Variants in TBCE observed in about 807,000 individuals in gnomAD.
The protein encoded by TBCE is tubulin-specific chaperone E.
Under a neutral mutation model 77.0 loss-of-function variants are expected in TBCE, and 53 were observed. That is an observed-to-expected ratio of 0.69 (90% confidence interval 0.55 to 0.87). The LOEUF is 0.87. Ranked by LOEUF, TBCE falls within the 40% of genes least tolerant of loss-of-function variation. The pLI, the probability that TBCE is intolerant of heterozygous loss-of-function variation, is 0.00. For synonymous variants in TBCE, 235 were observed against 241.3 expected, an observed-to-expected ratio of 0.97 and a Z score of 0.24; for missense variants, 624 against 622.4, an observed-to-expected ratio of 1.00 and a Z score of -0.03.
intron 2 of TBCE, among the ~76,000 whole-genome samples, chr1:235,392,505 G>A (rs555333962): frequency 6.7e-6 from 1 of 150,298 alleles, no homozygotes; most frequent in Non-Finnish European, 1.5e-5. Context: ...CCGCCTCCTG[G>A]ATTCAAGCAA....
At chr1:235,369,532 C>T (rs1676772489) in intron 1 of TBCE, among the ~76,000 whole-genome samples, 1 of 150,386 alleles carries the variant, frequency 6.6e-6, no homozygotes, top group Non-Finnish European at 1.5e-5. Flanking sequence ...ACAAAAAAAA[C>T]AAAAACTGGC....
In TBCE at chr1:235,427,175, T is replaced by C. The variant is rs747704557; in HGVS notation, c.496T>C (p.Ser166Pro). 1 of 1,614,092 alleles carries C rather than the reference T, an allele frequency of 6.2e-7. No homozygotes were observed. Among genetic ancestry groups the C allele is most frequent in the Admixed American group, 1.7e-5 (1 of 60,016 alleles). Residue 166 changes from serine to proline, a missense_variant, in exon 6 of 17, where the codon TCA becomes CCA. Physicochemically the swap from Ser to Pro is moderately conservative, Grantham distance 74 (BLOSUM62 -1). Coordinates refer to ENST00000642610, the MANE Select transcript of TBCE (RefSeq NM_003193.5). ...GGTAGATTTGTCAAAAAACCTGTTG[T>C]CATCATGGGATGAAGTGATACACAT... ...RKVDLSKNLL[S>P]SWDEVIHIAD...
chr1:235,389,452 C>T (rs186351422), intron 2 of TBCE, among the ~76,000 whole-genome samples: 57 of 152,194 alleles, frequency 3.7e-4, no homozygotes, highest in African/African-American at 8.7e-4. Flanking sequence ...CTCAGCCTCC[C>T]GAGTAGCTGG....
chr1:235,417,027 T>TA (rs1334257541), intron 4 of TBCE, among the ~76,000 whole-genome samples: 3 of 152,230 alleles, frequency 2.0e-5, no homozygotes, highest in Admixed American at 1.3e-4. Flanking sequence ...AGCTGTCAGT[T>TA]AGGAGTTGAA....
rs975265552 is a variant in TBCE, at chr1:235,427,848, T to A, written c.560+609T>A. Among the ~76,000 whole-genome samples, 55 of 151,008 alleles carry A rather than the reference T, an allele frequency of 3.6e-4. 1 individual carries two copies. Among genetic ancestry groups the A allele is most frequent in the Non-Finnish European group, 1.5e-4 (10 of 67,908 alleles). On this transcript the variant is annotated intron_variant, in intron 6 of 16. Transcript: ENST00000642610. ...GAGTTTGAGACCAGCCTGACCAACA[T>A]GGAGAAACCCCGTCTCTACTAAAAA...
chr1:235,421,687 A>G (rs1033571102), intron 5 of TBCE, among the ~76,000 whole-genome samples: 1 of 152,070 alleles, frequency 6.6e-6, no homozygotes, highest in Non-Finnish European at 1.5e-5. Context: ...CAGCCTGGGT[A>G]ACAGAGTGAG....
At chr1:235,435,442 A>T (rs539931506) in intron 8 of TBCE, among the ~76,000 whole-genome samples, 13 of 136,524 alleles carry the variant, frequency 9.5e-5, no homozygotes, top group Admixed American at 6.3e-4. Flanking sequence ...TGAGATAATC[A>T]TATATTCACA....
intron 1 of TBCE, among the ~76,000 whole-genome samples, chr1:235,372,051 G>A (rs1192732047): frequency 6.6e-6 from 1 of 151,926 alleles, no homozygotes; most frequent in Non-Finnish European, 1.5e-5. Context: ...GTGTGATCAG[G>A]GCTCACTGCA....
chr1:235,447,489 G>GCAGT (rs1455046999), intron 15 of TBCE, among the ~76,000 whole-genome samples: 1 of 152,104 alleles, frequency 6.6e-6, no homozygotes, highest in African/African-American at 2.4e-5. Flanking sequence ...CCCATGCCTG[G>GCAGT]CAGTCACTTG....
intron 2 of TBCE, among the ~76,000 whole-genome samples, chr1:235,383,326 A>C (rs1677796018): frequency 6.6e-6 from 1 of 152,110 alleles, no homozygotes; most frequent in East Asian, 1.9e-4. Context: ...TATGAACTTT[A>C]AAGTAGTTTT....
At chr1:235,439,198 A>G (rs1681660175) in intron 13 of TBCE, among the ~76,000 whole-genome samples, 1 of 151,970 alleles carries the variant, frequency 6.6e-6, no homozygotes, top group Non-Finnish European at 1.5e-5. Context: ...TTTATTTTTA[A>G]GAGATGGAGT....
intron 7 of TBCE, among the ~76,000 whole-genome samples, chr1:235,432,112 T>C (rs1396912552): frequency 6.6e-6 from 1 of 152,078 alleles, no homozygotes; most frequent in African/African-American, 2.4e-5. Context: ...GCCTCCAAAG[T>C]AGCTGGGATT....
chr1:235,385,182 C>T (rs1558350665), intron 2 of TBCE, among the ~76,000 whole-genome samples: 1 of 152,092 alleles, frequency 6.6e-6, no homozygotes, highest in Non-Finnish European at 1.5e-5. Flanking sequence ...GTCTGAGAGA[C>T]AGTTTGTTAT....
chr1:235,424,322 C>CTTT (rs1160280902), intron 5 of TBCE, among the ~76,000 whole-genome samples: 3 of 123,754 alleles, frequency 2.4e-5, no homozygotes, highest in East Asian at 2.3e-4. Flanking sequence ...TCTTAGAGCT[C>CTTT]TTTTTTTTTT....
At position 235,438,630 on chromosome 1, in the gene TBCE, A is replaced by G. The variant is rs1259882799; in HGVS notation, c.1117-139A>G. Reference sequence around the variant, plus strand: ...CTGAGTTCTGTCAATGTTAAAAAGAAGGGTGAAAACTAGATCTTGTCCCTC... The same window carrying G: ...CTGAGTTCTGTCAATGTTAAAAAGAGGGGTGAAAACTAGATCTTGTCCCTC... On this transcript the variant is annotated intron_variant, in intron 12 of 16. Transcript: ENST00000642610. 3 of 942,378 alleles carry G rather than the reference A, an allele frequency of 3.2e-6. No individual in the cohort carries two copies. The East Asian group carries it at 7.7e-5, about 24-fold the overall frequency. The allele number at this position is 942,378 out of a possible 1,614,324, so 58.4% of individuals were successfully genotyped here. A position where few individuals can be genotyped will look rare whatever the true frequency, so the allele number is the denominator to read the frequency against.
At chr1:235,428,463 C>A (rs1206467611) in intron 6 of TBCE, among the ~76,000 whole-genome samples, 1 of 151,536 alleles carries the variant, frequency 6.6e-6, no homozygotes, top group Non-Finnish European at 1.5e-5. Context: ...CTCCTAAACT[C>A]CTCATGTGTC....
At chr1:235,432,515 C>T (rs1463267398) in intron 7 of TBCE, among the ~76,000 whole-genome samples, 2 of 152,154 alleles carry the variant, frequency 1.3e-5, no homozygotes, top group African/African-American at 2.4e-5. Flanking sequence ...CACTGGGGCT[C>T]ACACCTGCAA....
intron 2 of TBCE, among the ~76,000 whole-genome samples, chr1:235,385,770 C>T (rs1677963076): frequency 6.6e-6 from 1 of 152,094 alleles, no homozygotes; most frequent in African/African-American, 2.4e-5. Context: ...ACTCTTTATC[C>T]AATTTGCCAG....
chr1:235,450,599 C>T lies in TBCE; in HGVS notation c.*1837C>T, dbSNP rs116100066. 414 of 410,084 alleles carry T rather than the reference C, an allele frequency of 1.0e-3. 2 individuals are homozygous for T. The highest frequency in any genetic ancestry group is 7.8e-3 in the African/African-American group (389 of 50,038). 25.4% of individuals were successfully genotyped at this position (410,084 alleles called of 1,614,324 possible). A position where few individuals can be genotyped will look rare whatever the true frequency, so the allele number is the denominator to read the frequency against. On this transcript the variant is annotated 3_prime_UTR_variant, in exon 17 of 17. Transcript: ENST00000642610. Reference sequence around the variant, plus strand: ...AAGAGTTAGTCAACAAATGCCATTCCGTAATGAACGATTTTAGAAACCACA... The same window carrying T: ...AAGAGTTAGTCAACAAATGCCATTCTGTAATGAACGATTTTAGAAACCACA...
Sources: allele counts gnomAD v4.1 joint callset (sites outside exome capture counted in the v4.1 genomes callset), GRCh38; gene constraint gnomAD v4.1.1; transcripts MANE v1.5; gene names NCBI Gene and HGNC (gene_info 2026-07-23, HGNC 2026-07-21).